TAX1BP1: variants seen among roughly 807,000 people sequenced by gnomAD.
TAX1BP1 encodes Tax1 binding protein 1.
Under a neutral mutation model 97.7 loss-of-function variants are expected in TAX1BP1, and 62 were observed. The ratio of observed to expected loss-of-function variants is 0.63; its 90% CI spans 0.52 to 0.78. The LOEUF is 0.78. Among genes scored for constraint, TAX1BP1 ranks in the 30% least tolerant of loss-of-function variants. TAX1BP1 has a pLI of 0.00. For missense variants in TAX1BP1, 867 were observed against 916.1 expected (o/e 0.95, Z 0.69); for synonymous variants, 340 against 304.2 (o/e 1.12, Z -1.23).
chr7:27,768,869 T>C (rs1717247275), intron 4 of TAX1BP1, among the ~76,000 whole-genome samples: 1 of 151,924 alleles, frequency 6.6e-6, no homozygotes, highest in Admixed American at 6.6e-5. Flanking sequence ...GAAAACCAAT[T>C]TGGGGTGTAT....
chr7:27,776,348 A>G (rs1271006445), intron 5 of TAX1BP1, among the ~76,000 whole-genome samples: 1 of 152,086 alleles, frequency 6.6e-6, no homozygotes, highest in East Asian at 1.9e-4. Context: ...CTGTTGATGA[A>G]TTTGTTCAAC....
At chr7:27,776,546 T>C (rs1789038707) in intron 5 of TAX1BP1, among the ~76,000 whole-genome samples, 2 of 152,140 alleles carry the variant, frequency 1.3e-5, no homozygotes, top group African/African-American at 4.8e-5. Context: ...AATGTGTTTT[T>C]TTCCTCTTAC....
chr7:27,748,715 A>C (rs369694887), intron 2 of TAX1BP1, 29 bp downstream of exon 2: 42 of 1,455,920 alleles, frequency 2.9e-5, no homozygotes, highest in East Asian at 2.0e-4. Context: ...TATGTTCTCC[A>C]TGTAAACACT....
Position 27,828,880 on chromosome 7 carries a change from A to T in TAX1BP1, c.*51A>T. 7.1e-7 allele frequency: 1 copy of T among 1,417,092 alleles called. No individual in the cohort carries two copies. Among genetic ancestry groups the T allele is most frequent in the Non-Finnish European group, 9.6e-7 (1 of 1,039,708 alleles). The allele number at this position is 1,417,092 out of a possible 1,614,324, so 87.8% of individuals were successfully genotyped here. A position where few individuals can be genotyped will look rare whatever the true frequency, so the allele number is the denominator to read the frequency against. The stretch of plus-strand genomic sequence containing the variant: ...GTTTAGCAGTAAAAAAAAAAAAAAA[A>T]ACCACACCTAAAATAGACCACTGAG... On this transcript the variant is annotated 3_prime_UTR_variant, in exon 17 of 17. Transcript: ENST00000396319.
rs185968188 is a variant in TAX1BP1 at position 27,823,811 on chromosome 7, A to C, written c.2086-3927A>C. Among the ~76,000 whole-genome samples the C allele has an allele frequency of 3.3e-5, 5 of 152,252 alleles. No individual in the cohort carries two copies. The East Asian group carries it at 9.7e-4, about 29-fold the overall frequency. On this transcript the variant is annotated intron_variant, in intron 15 of 16. Transcript: ENST00000396319. ...CTCCAGTCCCTGAAAACCACCAGTA[A>C]TTTGAATTTGACTACTCTGGGTACC... is the stretch of plus-strand genomic sequence containing the variant.
At chr7:27,760,976 T>C (rs1447817415) in intron 3 of TAX1BP1, among the ~76,000 whole-genome samples, 1 of 152,170 alleles carries the variant, frequency 6.6e-6, no homozygotes, top group African/African-American at 2.4e-5. Context: ...ATGTAGAAGT[T>C]TGGGAACCAG....
At chr7:27,814,055 C>G (rs1405464303) in intron 13 of TAX1BP1, among the ~76,000 whole-genome samples, 3 of 150,154 alleles carry the variant, frequency 2.0e-5, no homozygotes, top group Admixed American at 2.0e-4. Flanking sequence ...CTCGGCCTCC[C>G]AAAGTGCTGG....
chr7:27,757,480 CAAAT>C (rs747002514), intron 2 of TAX1BP1, among the ~76,000 whole-genome samples: 15 of 152,010 alleles, frequency 9.9e-5, no homozygotes, highest in Non-Finnish European at 1.8e-4. Flanking sequence ...CTAAGTAAAA[CAAAT>C]AAAACACTTA....
At chr7:27,816,697 A>C (rs968296363) in intron 14 of TAX1BP1, among the ~76,000 whole-genome samples, 177 bp downstream of exon 14, 1 of 152,230 alleles carries the variant, frequency 6.6e-6, no homozygotes, top group African/African-American at 2.4e-5. Context: ...GAAGTGATGC[A>C]CCATGAGATG....
chr7:27,790,856 C>T (rs1165659255), intron 8 of TAX1BP1, among the ~76,000 whole-genome samples: 4 of 151,992 alleles, frequency 2.6e-5, no homozygotes, highest in Non-Finnish European at 5.9e-5. Flanking sequence ...TGGAATGTTA[C>T]TGTTTTTTTG....
intron 1 of TAX1BP1, among the ~76,000 whole-genome samples, chr7:27,740,718 G>C (rs1203686440): frequency 6.6e-6 from 1 of 152,222 alleles, no homozygotes; most frequent in African/African-American, 2.4e-5. Context: ...CGTAGGTCGC[G>C]TCCGAGAAGG....
At chr7:27,746,177 A>C (rs1429796957) in intron 1 of TAX1BP1, among the ~76,000 whole-genome samples, 1 of 152,186 alleles carries the variant, frequency 6.6e-6, no homozygotes, top group African/African-American at 2.4e-5. Flanking sequence ...GCTTTTGATT[A>C]AAAACATGGG....
At chr7:27,754,128 AC>A (rs150728444) in intron 2 of TAX1BP1, among the ~76,000 whole-genome samples, 1,721 of 152,282 alleles carry the variant, frequency 0.011, 31 homozygotes, top group African/African-American at 0.039. Flanking sequence ...CCTGTAAGGT[AC>A]TGTTTTCACT....
At chr7:27,786,577 G>A (rs1789490522) in intron 7 of TAX1BP1, among the ~76,000 whole-genome samples, 1 of 152,132 alleles carries the variant, frequency 6.6e-6, no homozygotes, top group Non-Finnish European at 1.5e-5. Context: ...AGAACATTCT[G>A]AGTTAAGTCC....
At chr7:27,769,242 T>C (rs1487892341) in intron 4 of TAX1BP1, among the ~76,000 whole-genome samples, 1 of 151,954 alleles carries the variant, frequency 6.6e-6, no homozygotes, top group African/African-American at 2.4e-5. Flanking sequence ...ATGAAGGCCT[T>C]ATATACCATA....
chr7:27,807,156 C>A (rs1790369807), intron 13 of TAX1BP1, among the ~76,000 whole-genome samples: 1 of 152,052 alleles, frequency 6.6e-6, no homozygotes, highest in African/African-American at 2.4e-5. Flanking sequence ...CATTTATATT[C>A]TTTCCCCAAC....
intron 8 of TAX1BP1, among the ~76,000 whole-genome samples, chr7:27,790,175 TA>T (rs1237316604): frequency 1.3e-5 from 2 of 151,980 alleles, no homozygotes; most frequent in East Asian, 3.8e-4. Context: ...TTTTTCCTTT[TA>T]AAAAAATTTA....
intron 13 of TAX1BP1, 143 bp from the exon 14 acceptor site, chr7:27,816,206 T>A (rs1448433776): frequency 1.6e-6 from 1 of 640,916 alleles, no homozygotes; most frequent in East Asian, 3.4e-5. Flanking sequence ...AGAGCCAGCT[T>A]TTCTAACTGT....
chr7:27,753,068 A>C (rs1788080359), intron 2 of TAX1BP1, among the ~76,000 whole-genome samples: 1 of 151,980 alleles, frequency 6.6e-6, no homozygotes, highest in African/African-American at 2.4e-5. Context: ...GGGAGGCTGA[A>C]GTGGGCAGAT....
Sources: allele counts gnomAD v4.1 joint callset (sites outside exome capture counted in the v4.1 genomes callset), GRCh38; gene constraint gnomAD v4.1.1; transcripts MANE v1.5; gene names NCBI Gene and HGNC (gene_info 2026-07-23, HGNC 2026-07-21).